The following MALRD1 variants were observed in gnomAD, a reference collection of about 807,000 sequenced individuals.
MALRD1 encodes MAM and LDL receptor class A domain containing 1.
MALRD1 carries 247 observed loss-of-function variants against 242.1 expected under a neutral mutation model. The ratio of observed to expected loss-of-function variants is 1.02; its 90% CI spans 0.92 to 1.13. The LOEUF is 1.13. MALRD1 is among the 50% of genes most tolerant of loss of function. The probability of loss-of-function intolerance (pLI) is 0.00; values close to 1 mark genes in which losing one functional copy is unlikely to be tolerated. For missense variants in MALRD1, 2,989 were observed against 2,533.1 expected (o/e 1.18, Z -3.86); for synonymous variants, 995 against 866.6 (o/e 1.15, Z -2.60).
At chr10:19,529,464 T>C (rs763207275) in intron 31 of MALRD1, among the ~76,000 whole-genome samples, 10 of 132,626 alleles carry the variant, frequency 7.5e-5, no homozygotes, top group Non-Finnish European at 1.6e-4. Flanking sequence ...ACAGAAGATA[T>C]AAAATTGATA....
chr10:19,203,877 C>T lies in MALRD1; in HGVS notation c.2101C>T (p.Gln701Ter). 3 of 1,550,434 alleles carry T rather than the reference C, an allele frequency of 1.9e-6. No homozygotes were observed. Among genetic ancestry groups the T allele is most frequent in the Non-Finnish European group, 2.6e-6 (3 of 1,146,902 alleles). The change falls in exon 15 of 40, where the codon CAA (glutamine) becomes TAA (stop). Residue 701 changes from glutamine (Q) to a stop codon, truncating the protein, a stop_gained. Coordinates refer to ENST00000454679, the MANE Select transcript of MALRD1 (RefSeq NM_001142308.3). LOFTEE classifies it high-confidence loss of function. ...TCGGGATCATAGTCTCAACGCATCTCAAGGTAAGAAGCAAACAGGGACTCT... is the reference window on the plus strand; with the variant it reads ...TCGGGATCATAGTCTCAACGCATCTTAAGGTAAGAAGCAAACAGGGACTCT... Reference protein sequence around the residue: ...PPRDHSLNASQGHFMFILKKS... With the variant: ...PPRDHSLNAS
intron 38 of MALRD1, among the ~76,000 whole-genome samples, chr10:19,709,243 T>TAAAAAAAAAAAAAAAAAAAA (rs557818453): frequency 3.8e-5 from 4 of 105,950 alleles, no homozygotes; most frequent in African/African-American, 1.5e-4. Context: ...CCGTCTGTAC[T>TAAAAAAAAAAAAAAAAAAAA]AAAAAAAAAA....
rs1840891772 is a variant in MALRD1 at position 19,283,004 on chromosome 10, T to G, written c.3257-15T>G. 1 of 1,531,374 alleles carries G rather than the reference T, an allele frequency of 6.5e-7. No individual in the cohort carries two copies. Among genetic ancestry groups the G allele is most frequent in the African/African-American group, 1.4e-5 (1 of 72,380 alleles). 94.9% of individuals were successfully genotyped at this position (1,531,374 alleles called of 1,614,324 possible). The stretch of plus-strand genomic sequence containing the variant: ...ACTTACTAGCTCACCTTTTCTTTGT[T>G]CTACCCCATCCAAGTTATGGAAGTT... On this transcript the variant is annotated splice_polypyrimidine_tract_variant and intron_variant, in intron 20 of 39. Coordinates refer to ENST00000454679, the MANE Select transcript of MALRD1 (RefSeq NM_001142308.3).
intron 7 of MALRD1, among the ~76,000 whole-genome samples, chr10:19,127,364 C>T (rs1039164238): frequency 1.9e-4 from 29 of 152,168 alleles, no homozygotes; most frequent in Admixed American, 5.2e-4. Flanking sequence ...TTTTACATTA[C>T]GTTTATGCAG....
intron 19 of MALRD1, among the ~76,000 whole-genome samples, chr10:19,267,779 AT>A (rs1178387628): frequency 6.6e-6 from 1 of 151,822 alleles, no homozygotes; most frequent in African/African-American, 2.4e-5. Context: ...ATACCAGATT[AT>A]TGGAAAGTTT....
chr10:19,273,726 A>T (rs1840368733), intron 19 of MALRD1, among the ~76,000 whole-genome samples: 1 of 152,112 alleles, frequency 6.6e-6, no homozygotes, highest in Admixed American at 6.6e-5. Context: ...TGTTTAGGGG[A>T]GAGGGTAGGA....
intron 29 of MALRD1, among the ~76,000 whole-genome samples, chr10:19,486,442 A>G (rs1181198521): frequency 1.3e-5 from 2 of 152,150 alleles, no homozygotes; most frequent in Admixed American, 6.5e-5. Context: ...ATTCCATGGG[A>G]AAGTTCTCTT....
At chr10:19,148,345 G>T (rs991790852) in intron 11 of MALRD1, among the ~76,000 whole-genome samples, 3 of 151,842 alleles carry the variant, frequency 2.0e-5, no homozygotes, top group South Asian at 4.2e-4. Context: ...TAAATATTAG[G>T]GTGCTTCAGT....
chr10:19,486,261 A>G (rs138608256), intron 29 of MALRD1, among the ~76,000 whole-genome samples: 4 of 152,206 alleles, frequency 2.6e-5, no homozygotes, highest in African/African-American at 9.6e-5. Context: ...ACAGACCAAC[A>G]TACCTTTGTA....
At chr10:19,475,373 T>C (rs2358405) in intron 29 of MALRD1, among the ~76,000 whole-genome samples, 131,210 of 152,226 alleles carry the variant, frequency 0.86, 56,714 homozygotes, top group East Asian at 1. Context: ...TGAGATTGCA[T>C]CACTGCATTC....
chr10:19,178,227 C>A (rs1835342751), intron 14 of MALRD1, among the ~76,000 whole-genome samples: 1 of 152,034 alleles, frequency 6.6e-6, no homozygotes, highest in African/African-American at 2.4e-5. Flanking sequence ...CTAATTAGGA[C>A]AGATTACATG....
chr10:19,231,545 C>G (rs1190244257), intron 18 of MALRD1, among the ~76,000 whole-genome samples: 2 of 152,038 alleles, frequency 1.3e-5, no homozygotes, highest in African/African-American at 4.8e-5. Flanking sequence ...GGGGCGGTTT[C>G]CCCCTGCTGT....
intron 26 of MALRD1, among the ~76,000 whole-genome samples, chr10:19,384,909 A>G (rs905992792): frequency 9.9e-5 from 15 of 151,470 alleles, no homozygotes; most frequent in Non-Finnish European, 1.2e-4. Context: ...AGCTTTTTAT[A>G]TATGACCTTT....
chr10:19,384,651 A>T (rs1286771595), intron 26 of MALRD1, among the ~76,000 whole-genome samples: 4 of 134,284 alleles, frequency 3.0e-5, no homozygotes, highest in Non-Finnish European at 4.6e-5. Context: ...TAGTATATAT[A>T]ATATAATATT....
At chr10:19,059,766 G>A (rs1834768490) in intron 1 of MALRD1, among the ~76,000 whole-genome samples, 1 of 151,988 alleles carries the variant, frequency 6.6e-6, no homozygotes, top group African/African-American at 2.4e-5. Context: ...CTTCCTATTA[G>A]CAATTGTGCT....
intron 18 of MALRD1, among the ~76,000 whole-genome samples, chr10:19,227,569 G>C (rs1837853136): frequency 6.6e-6 from 1 of 151,958 alleles, no homozygotes; most frequent in African/African-American, 2.4e-5. Flanking sequence ...AAATTTTTTA[G>C]ATAAGAAAAG....
Position 19,049,144 on chromosome 10 carries a change from G to A in MALRD1, c.199+7G>A. On this transcript the variant is annotated splice_region_variant and intron_variant, in intron 1 of 39. Coordinates refer to ENST00000454679, the MANE Select transcript of MALRD1 (RefSeq NM_001142308.3). ...AGCAGTGATGAACGGCACTGTAAGT[G>A]ACATTCTCCTTTCTCCAATTTCAAT... is the stretch of plus-strand genomic sequence containing the variant. 1 of 1,233,828 alleles carries A rather than the reference G, an allele frequency of 8.1e-7. No individual in the cohort carries two copies. The highest frequency in any genetic ancestry group is 1.0e-6 in the Non-Finnish European group (1 of 988,116). The allele number at this position is 1,233,828 out of a possible 1,614,324, so 76.4% of individuals were successfully genotyped here. A position where few individuals can be genotyped will look rare whatever the true frequency, so the allele number is the denominator to read the frequency against.
chr10:19,297,582 A>G (rs1348512593), intron 21 of MALRD1, among the ~76,000 whole-genome samples: 1 of 151,928 alleles, frequency 6.6e-6, no homozygotes, highest in South Asian at 2.1e-4. Context: ...TGCCTCATAA[A>G]TGTATAAACT....
chr10:19,124,873 T>C (rs1041246722), intron 7 of MALRD1, among the ~76,000 whole-genome samples: 4 of 151,870 alleles, frequency 2.6e-5, no homozygotes, highest in African/African-American at 7.3e-5. Context: ...GTTAACAATA[T>C]TTTTTAAGTT....
Sources: gnomAD v4.1 joint callset for allele counts (sites outside exome capture counted in the v4.1 genomes callset) on GRCh38, gnomAD v4.1.1 for gene constraint, MANE v1.5 for transcripts, NCBI Gene and HGNC (gene_info 2026-07-23, HGNC 2026-07-21) for gene names.